ARIH2: variants seen among roughly 807,000 people sequenced by gnomAD.
ARIH2 encodes ariadne RBR E3 ubiquitin protein ligase 2.
Under a neutral mutation model 79.8 loss-of-function variants are expected in ARIH2, and 12 were observed. The observed-to-expected ratio is 0.15, with a 90% CI of 0.10 to 0.24. ARIH2 has a LOEUF of 0.24. Ranked by LOEUF, ARIH2 falls within the 10% of genes least tolerant of loss-of-function variation. The pLI is 1.00. For missense variants in ARIH2, 301 were observed against 618.3 expected (o/e 0.49, Z 5.44); for synonymous variants, 224 against 213.9 (o/e 1.05, Z -0.41).
chr3:48,969,545 G>C (rs1446251204), intron 7 of ARIH2, among the ~76,000 whole-genome samples: 1 of 150,180 alleles, frequency 6.7e-6, no homozygotes, highest in Non-Finnish European at 1.5e-5. Flanking sequence ...GGAGTATAGA[G>C]GCACAAACAT....
rs2092678990 is a variant in ARIH2 at position 48,979,574 on chromosome 3, C to T, written c.1054C>T (p.Gln352Ter). The T allele has an allele frequency of 6.2e-7, 1 of 1,614,112 alleles. No individual in the cohort carries two copies. The highest frequency in any genetic ancestry group is 1.7e-5 in the Admixed American group (1 of 60,000). Reference sequence around the variant, plus strand: ...CAAGGAGAATCCTGACATCGTGAACCAGAGCCAACAAGCCCAGGCGAGGGA... The same window carrying T: ...CAAGGAGAATCCTGACATCGTGAACTAGAGCCAACAAGCCCAGGCGAGGGA... ...RYKENPDIVN[Q>*]SQQAQAREAL... The change falls in exon 12 of 16, where the codon CAG becomes TAG. Residue 352 changes from glutamine (Q) to a stop codon, truncating the protein, a stop_gained. Transcript: ENST00000356401. LOFTEE classifies it high-confidence loss of function.
At position 48,986,279 on chromosome 3, in the gene ARIH2, T is replaced by A. The variant is rs1306828505; in HGVS notation, c.*3009T>A. The A allele has an allele frequency of 2.0e-5, 3 of 152,242 alleles. No individual in the cohort carries two copies. Among genetic ancestry groups the A allele is most frequent in the African/African-American group, 7.2e-5 (3 of 41,442 alleles). The allele number at this position is 152,242 out of a possible 1,614,324, so 9.4% of individuals were successfully genotyped here. On this transcript the variant is annotated 3_prime_UTR_variant, in exon 16 of 16. Transcript: ENST00000356401. ...TGCAAGTGATTCACGTGCTCTAGCTTCCAGGAGCTTCCAATCCATGGGGAA... is the reference window on the plus strand; with the variant it reads ...TGCAAGTGATTCACGTGCTCTAGCTACCAGGAGCTTCCAATCCATGGGGAA...
chr3:48,984,724 A>T lies in ARIH2; in HGVS notation c.*1454A>T, dbSNP rs1396170421. 1.3e-5 allele frequency: 2 copies of T among 152,204 alleles called. No homozygotes were observed. The highest frequency in any genetic ancestry group is 3.9e-4 in the East Asian group (2 of 5,186). 9.4% of individuals were successfully genotyped at this position (152,204 alleles called of 1,614,324 possible). ...CTTGACCTCCAAGTAGAGCTGATAC[A>T]GAGATCTGTGAATATTGTGATAGAA... On this transcript the variant is annotated 3_prime_UTR_variant, in exon 16 of 16. Transcript: ENST00000356401.
intron 11 of ARIH2, among the ~76,000 whole-genome samples, chr3:48,976,165 G>C (rs558717835): frequency 2.0e-5 from 3 of 149,628 alleles, no homozygotes; most frequent in Admixed American, 6.7e-5. Context: ...GCCTACCTTG[G>C]CCTCTTAAAG....
chr3:48,976,061 C>A (rs1197800719), intron 11 of ARIH2, among the ~76,000 whole-genome samples: 13 of 151,978 alleles, frequency 8.6e-5, no homozygotes. Flanking sequence ...CAGGCACTCA[C>A]CACCACACCT....
chr3:48,969,954 G>A (rs2092090981), intron 7 of ARIH2, among the ~76,000 whole-genome samples: 1 of 149,522 alleles, frequency 6.7e-6, no homozygotes. Flanking sequence ...ACAGGGACAC[G>A]ATCTCAGCTC....
At chr3:48,926,199 T>A (rs2085567654) in intron 2 of ARIH2, among the ~76,000 whole-genome samples, 1 of 152,142 alleles carries the variant, frequency 6.6e-6, no homozygotes, top group African/African-American at 2.4e-5. Context: ...TAAGTAACAT[T>A]TCGCTGTTTG....
chr3:48,918,854 A>G lies in ARIH2; in HGVS notation c.-306A>G. 1 of 1,611,004 alleles carries G rather than the reference A, an allele frequency of 6.2e-7. No homozygotes were observed. Among genetic ancestry groups the G allele is most frequent in the Non-Finnish European group, 8.5e-7 (1 of 1,179,664 alleles). ...GCCAAGCACTTCCGGAGCTGTGGGG[A>G]CGACTCTTCTGGAGGAAGCAGCGCG... On this transcript the variant is annotated 5_prime_UTR_variant, in exon 1 of 16. Transcript: ENST00000356401.
chr3:48,970,893 A>T (rs2092186495), intron 8 of ARIH2, 189 bp downstream of exon 8: 1 of 506,898 alleles, frequency 2.0e-6, no homozygotes, highest in Non-Finnish European at 3.6e-6. Context: ...ATACATGCTC[A>T]GTCTGGAGGC....
chr3:48,971,665 A>G (rs2092245746), intron 8 of ARIH2, among the ~76,000 whole-genome samples: 1 of 152,240 alleles, frequency 6.6e-6, no homozygotes, highest in Admixed American at 6.5e-5. Context: ...GTGGGGCTTC[A>G]GAGAAACTAC....
At chr3:48,951,428 T>C (rs2089942653) in intron 3 of ARIH2, among the ~76,000 whole-genome samples, 1 of 152,132 alleles carries the variant, frequency 6.6e-6, no homozygotes, top group African/African-American at 2.4e-5. Flanking sequence ...TTTTTCTTGG[T>C]TATGTTTTAT....
intron 3 of ARIH2, among the ~76,000 whole-genome samples, chr3:48,940,996 C>T (rs1057449953): frequency 3.3e-5 from 5 of 150,212 alleles, no homozygotes; most frequent in Admixed American, 6.6e-5. Context: ...GGTGAAACCC[C>T]GTCTCTACTG....
At chr3:48,932,272 T>A (rs961649668) in intron 3 of ARIH2, among the ~76,000 whole-genome samples, 19 of 152,298 alleles carry the variant, frequency 1.2e-4, no homozygotes, top group African/African-American at 4.6e-4. Flanking sequence ...TGAACTATCC[T>A]ACACAAATCA....
intron 3 of ARIH2, among the ~76,000 whole-genome samples, chr3:48,941,181 A>G (rs1300119446): frequency 1.3e-5 from 2 of 151,998 alleles, no homozygotes; most frequent in African/African-American, 4.8e-5. Context: ...CAAAAAAAAA[A>G]AAAAAAAATT....
chr3:48,981,846 A>C, intron 14 of ARIH2, 118 bp downstream of exon 14: 1 of 749,534 alleles, frequency 1.3e-6, no homozygotes, highest in East Asian at 2.8e-5. Context: ...AAGTTAAAAC[A>C]AAACTCTAAT....
intron 3 of ARIH2, chr3:48,949,057 C>T (rs2089603721): frequency 2.2e-6 from 1 of 456,700 alleles, no homozygotes; most frequent in Non-Finnish European, 4.4e-6. Flanking sequence ...TTTCATTTCT[C>T]TTGTATAGAT....
intron 13 of ARIH2, among the ~76,000 whole-genome samples, chr3:48,980,938 T>C (rs2092721068): frequency 6.8e-6 from 1 of 146,410 alleles, no homozygotes; most frequent in South Asian, 2.2e-4. Context: ...CGAGAATTGC[T>C]TGAACCTGGG....
chr3:48,939,337 A>G (rs886563407), intron 3 of ARIH2, among the ~76,000 whole-genome samples: 2 of 152,110 alleles, frequency 1.3e-5, no homozygotes, highest in African/African-American at 4.8e-5. Flanking sequence ...GATCTCATTT[A>G]TCATCTGGGG....
At chr3:48,942,695 A>G (rs1172228932) in intron 3 of ARIH2, among the ~76,000 whole-genome samples, 2 of 128,140 alleles carry the variant, frequency 1.6e-5, no homozygotes, top group African/African-American at 6.1e-5. Flanking sequence ...CTTGTTGCCC[A>G]GGCTGGAGTG....
Sources: allele counts gnomAD v4.1 joint callset (sites outside exome capture counted in the v4.1 genomes callset), GRCh38; gene constraint gnomAD v4.1.1; transcripts MANE v1.5; gene names NCBI Gene and HGNC (gene_info 2026-07-23, HGNC 2026-07-21).